CIB4: variants seen among roughly 807,000 people sequenced by gnomAD.
The protein encoded by CIB4 is calcium and integrin binding family member 4.
CIB4 carries 25 observed loss-of-function variants against 25.8 expected under a neutral mutation model. That is an observed-to-expected ratio of 0.97 (90% CI 0.71 to 1.35). The LOEUF is 1.35. CIB4 is among the 40% of genes most tolerant of loss of function. CIB4 has a pLI of 0.00. For missense variants in CIB4, 235 were observed against 228.2 expected (o/e 1.03, Z -0.19); for synonymous variants, 75 against 81.4 (o/e 0.92, Z 0.42).
chr2:26,591,521 G>A (rs895541505), intron 4 of CIB4, among the ~76,000 whole-genome samples: 2 of 152,192 alleles, frequency 1.3e-5, no homozygotes, highest in East Asian at 1.9e-4. Flanking sequence ...CAGGAGTCCT[G>A]CCTCACTTCC....
chr2:26,592,681 T>C (rs532780616), intron 4 of CIB4, among the ~76,000 whole-genome samples: 2 of 152,196 alleles, frequency 1.3e-5, no homozygotes, highest in African/African-American at 4.8e-5. Flanking sequence ...ATTAAGTTAT[T>C]TCTATTGTTC....
intron 4 of CIB4, among the ~76,000 whole-genome samples, chr2:26,593,521 C>T (rs1350873250): frequency 1.3e-5 from 2 of 152,040 alleles, no homozygotes; most frequent in Non-Finnish European, 2.9e-5. Flanking sequence ...CTGACTAATA[C>T]AGTTATAATA....
rs149619875 is a variant in CIB4, at chr2:26,583,844, C to T, written c.383G>A (p.Arg128Gln). 2.9e-5 allele frequency: 46 copies of T among 1,613,382 alleles called. No individual in the cohort carries two copies. Among genetic ancestry groups the T allele is most frequent in the African/African-American group, 8.0e-5 (6 of 74,894 alleles). Residue 128 changes from arginine to glutamine, a missense_variant, in exon 5 of 7, where the codon CGA becomes CAA. Arg to Gln is a conservative substitution (Grantham distance 43). Transcript: ENST00000288861. ...AGACATGTCATCACTGTTCAGCAGT[C>T]GCAGGATGATCCTCTGCAGATCCTC... ...DEEDLQRIIL[R>Q]LLNSDDMSED... is the part of the protein sequence containing the mutation.
intron 6 of CIB4, 98 bp from the exon 7 acceptor site, chr2:26,581,491 T>C: frequency 8.5e-7 from 1 of 1,181,562 alleles, no homozygotes; most frequent in Non-Finnish European, 1.3e-6. Flanking sequence ...CTCCCCGGCC[T>C]GCATCTCGTG....
At chr2:26,599,662 C>T (rs1423166646) in intron 3 of CIB4, among the ~76,000 whole-genome samples, 1 of 152,060 alleles carries the variant, frequency 6.6e-6, no homozygotes, top group East Asian at 1.9e-4. Flanking sequence ...TTTCTCATCT[C>T]TAAATTTTCT....
At chr2:26,588,985 T>TTCC (rs1668510127) in intron 4 of CIB4, among the ~76,000 whole-genome samples, 1 of 3,336 alleles carries the variant, frequency 3.0e-4, no homozygotes, top group Non-Finnish European at 8.0e-4. Context: ...TTCTTTCTTC[T>TTCC]TCTTCTTCTT....
intron 3 of CIB4, among the ~76,000 whole-genome samples, chr2:26,595,711 G>A (rs1668669027): frequency 6.6e-6 from 1 of 152,252 alleles, no homozygotes; most frequent in Non-Finnish European, 1.5e-5. Flanking sequence ...TTCTTGTCCT[G>A]TGCTCAGGCG....
intron 3 of CIB4, chr2:26,605,591 C>T (rs111868703): frequency 9.1e-5 from 43 of 470,492 alleles, no homozygotes; most frequent in African/African-American, 3.4e-4. Context: ...TGGGTCTGAA[C>T]CAGGATTCAC....
At chr2:26,612,358 C>A (rs1056756570) in intron 3 of CIB4, among the ~76,000 whole-genome samples, 2 of 152,250 alleles carry the variant, frequency 1.3e-5, no homozygotes, top group Non-Finnish European at 2.9e-5. Context: ...TATGTCTGTA[C>A]CTTTCCATAT....
At chr2:26,597,857 C>T (rs1396381870) in intron 3 of CIB4, among the ~76,000 whole-genome samples, 2 of 151,332 alleles carry the variant, frequency 1.3e-5, no homozygotes, top group Non-Finnish European at 2.9e-5. Context: ...GTGGGAGAGC[C>T]GGCCTGAGAC....
At chr2:26,631,944 C>T (rs1028956505) in intron 2 of CIB4, among the ~76,000 whole-genome samples, 1 of 152,176 alleles carries the variant, frequency 6.6e-6, no homozygotes, top group Non-Finnish European at 1.5e-5. Context: ...CAGGGCTGGC[C>T]CCTGGGTGCT....
chr2:26,618,752 C>T (rs950165342), intron 3 of CIB4, among the ~76,000 whole-genome samples: 12 of 152,196 alleles, frequency 7.9e-5, no homozygotes, highest in Admixed American at 3.3e-4. Flanking sequence ...GCAGCACTGG[C>T]GAGGTCCTTC....
At chr2:26,593,002 A>G (rs912235961) in intron 4 of CIB4, among the ~76,000 whole-genome samples, 2 of 152,182 alleles carry the variant, frequency 1.3e-5, no homozygotes, top group Non-Finnish European at 2.9e-5. Context: ...TGGCATTTGA[A>G]TCAATAGGCT....
At chr2:26,618,641 G>C (rs562392010) in intron 3 of CIB4, among the ~76,000 whole-genome samples, 3 of 152,286 alleles carry the variant, frequency 2.0e-5, no homozygotes, top group South Asian at 4.1e-4. Context: ...CTGGGCCAGA[G>C]AGCCAAGCCT....
chr2:26,593,444 C>CA (rs1491551752), intron 4 of CIB4, among the ~76,000 whole-genome samples: 1 of 149,880 alleles, frequency 6.7e-6, no homozygotes, highest in Non-Finnish European at 1.5e-5. Context: ...ACTATATATA[C>CA]CCACACATAC....
chr2:26,599,216 C>G (rs1182994656), intron 3 of CIB4, among the ~76,000 whole-genome samples: 1 of 152,144 alleles, frequency 6.6e-6, no homozygotes, highest in Non-Finnish European at 1.5e-5. Flanking sequence ...AAAGGGAATA[C>G]AAACATGTCA....
intron 3 of CIB4, among the ~76,000 whole-genome samples, chr2:26,606,969 TG>T (rs985613161): frequency 1.3e-5 from 2 of 152,284 alleles, no homozygotes; most frequent in African/African-American, 2.4e-5. Context: ...TAAACAGCCA[TG>T]GGATCATGTG....
intron 3 of CIB4, among the ~76,000 whole-genome samples, chr2:26,616,384 TG>T (rs1259353693): frequency 1.3e-5 from 2 of 152,194 alleles, no homozygotes; most frequent in African/African-American, 4.8e-5. Context: ...TTGGTGACCT[TG>T]GGCCCTGCGA....
intron 4 of CIB4, among the ~76,000 whole-genome samples, chr2:26,592,818 A>G (rs2148194944): frequency 6.6e-6 from 1 of 152,144 alleles, no homozygotes; most frequent in East Asian, 1.9e-4. Context: ...TATAGTTTCT[A>G]CTTCTTTGCT....
Sources: gnomAD v4.1 joint callset for allele counts (sites outside exome capture counted in the v4.1 genomes callset) on GRCh38, gnomAD v4.1.1 for gene constraint, MANE v1.5 for transcripts, NCBI Gene and HGNC (gene_info 2026-07-23, HGNC 2026-07-21) for gene names.